MALRD1: variants seen among roughly 807,000 people sequenced by gnomAD.
MALRD1 encodes MAM and LDL-receptor class A domain-containing protein 1.
Under a neutral mutation model 242.1 loss-of-function variants are expected in MALRD1, and 247 were observed. That is an observed-to-expected ratio of 1.02 (90% CI 0.92 to 1.13). The LOEUF (loss-of-function observed/expected upper bound fraction) is 1.13, where lower values mean the gene tolerates loss of function less well. Among genes scored for constraint, MALRD1 ranks in the 50% most tolerant of loss-of-function variants. The probability of loss-of-function intolerance (pLI) is 0.00; values close to 1 mark genes in which losing one functional copy is unlikely to be tolerated. For synonymous variants in MALRD1, 995 were observed against 866.6 expected (o/e 1.15, Z -2.60); for missense variants, 2,989 against 2,533.1 (o/e 1.18, Z -3.86).
chr10:19,440,003 T>G (rs1214473343), intron 28 of MALRD1, among the ~76,000 whole-genome samples: 2 of 152,200 alleles, frequency 1.3e-5, no homozygotes, highest in Non-Finnish European at 2.9e-5. Context: ...CCATTGCTTC[T>G]CCCTGCTGCA....
chr10:19,552,728 T>C (rs181183688), intron 32 of MALRD1, among the ~76,000 whole-genome samples: 1 of 152,284 alleles, frequency 6.6e-6, no homozygotes, highest in Admixed American at 6.5e-5. Context: ...AAAAAAATTA[T>C]TTTGTTTTTC....
chr10:19,257,812 G>A, intron 19 of MALRD1, 41 bp downstream of exon 19: 1 of 1,295,020 alleles, frequency 7.7e-7, no homozygotes, highest in Non-Finnish European at 1.0e-6. Context: ...TTCTAAATCT[G>A]TTTACTTGGA....
In MALRD1 at chr10:19,203,583, C is replaced by A. The variant is rs1301358246; in HGVS notation, c.1952-145C>A. ...TCCATTTTTGCAAATGAGAAAGGAT[C>A]TTTTTTATTTTCTGAAATGTGTCCC... is the stretch of plus-strand genomic sequence containing the variant. On this transcript the variant is annotated intron_variant, in intron 14 of 39. Transcript: ENST00000454679. 15 of 768,428 alleles carry A rather than the reference C, an allele frequency of 2.0e-5. No individual in the cohort carries two copies. The East Asian group carries it at 4.3e-4, about 22-fold the overall frequency. The allele number at this position is 768,428 out of a possible 1,614,324, so 47.6% of individuals were successfully genotyped here.
chr10:19,510,753 C>T (rs1159839918), intron 31 of MALRD1, among the ~76,000 whole-genome samples: 2 of 152,212 alleles, frequency 1.3e-5, no homozygotes, highest in African/African-American at 2.4e-5. Context: ...ATCTCTCTTT[C>T]TTTTCCCCAT....
chr10:19,122,655 G>A (rs1340184311), intron 5 of MALRD1, among the ~76,000 whole-genome samples: 1 of 152,074 alleles, frequency 6.6e-6, no homozygotes, highest in Non-Finnish European at 1.5e-5. Flanking sequence ...CAAGTGGTAT[G>A]GGCAGAAAGG....
intron 36 of MALRD1, among the ~76,000 whole-genome samples, chr10:19,636,761 C>T (rs575968486): frequency 3.4e-4 from 51 of 151,596 alleles, no homozygotes; most frequent in South Asian, 4.2e-4. Context: ...TAGCCAGGCG[C>T]GGTGGCATGT....
chr10:19,537,434 G>A (rs1017227649), intron 32 of MALRD1, among the ~76,000 whole-genome samples: 2 of 152,026 alleles, frequency 1.3e-5, no homozygotes, highest in African/African-American at 4.8e-5. Context: ...GGCAAGTTTG[G>A]TGTCTTACCA....
rs1026081034 is a variant in MALRD1 at position 19,284,381 on chromosome 10, C to T, written c.3419+1200C>T. On this transcript the variant is annotated intron_variant, in intron 21 of 39. Transcript: ENST00000454679. ...TCGTCATCTAGCATTAGGTATATCTCCCAATGCTATCCCTCCCCCCTCCCC... is the reference window on the plus strand; with the variant it reads ...TCGTCATCTAGCATTAGGTATATCTTCCAATGCTATCCCTCCCCCCTCCCC... 2.1e-3 allele frequency among the ~76,000 whole-genome samples: 308 copies of T among 147,886 alleles called. 4 individuals are homozygous for T. Among genetic ancestry groups the T allele is most frequent in the Non-Finnish European group, 2.8e-4 (19 of 66,830 alleles).
chr10:19,296,813 T>C (rs1458110330), intron 21 of MALRD1, among the ~76,000 whole-genome samples: 1 of 151,970 alleles, frequency 6.6e-6, no homozygotes, highest in African/African-American at 2.4e-5. Flanking sequence ...CTTGTTCTCT[T>C]TGAAAAGACA....
At chr10:19,088,283 G>C in intron 4 of MALRD1, 98 bp downstream of exon 4, 1 of 1,094,924 alleles carries the variant, frequency 9.1e-7, no homozygotes, top group Non-Finnish European at 1.2e-6. Context: ...GTCCCAGTTT[G>C]CCAGGGACTG....
chr10:19,187,751 A>G (rs1835801559), intron 14 of MALRD1, among the ~76,000 whole-genome samples: 1 of 152,138 alleles, frequency 6.6e-6, no homozygotes, highest in Non-Finnish European at 1.5e-5. Flanking sequence ...GTAAGTGGGA[A>G]CTAAAACATT....
intron 13 of MALRD1, 57 bp from the exon 14 acceptor site, chr10:19,175,151 T>A: frequency 8.6e-7 from 1 of 1,160,694 alleles, no homozygotes. Context: ...GAAATATGAT[T>A]GTAAGACATT....
At chr10:19,070,353 A>T (rs1374753958) in intron 2 of MALRD1, among the ~76,000 whole-genome samples, 1 of 152,166 alleles carries the variant, frequency 6.6e-6, no homozygotes, top group Non-Finnish European at 1.5e-5. Flanking sequence ...TTTCATAGTA[A>T]GTATTGAATA....
At chr10:19,504,419 TAG>T (rs1340186791) in intron 31 of MALRD1, among the ~76,000 whole-genome samples, 1 of 151,396 alleles carries the variant, frequency 6.6e-6, no homozygotes, top group Non-Finnish European at 1.5e-5. Flanking sequence ...TCTGATAGAG[TAG>T]AGAGAGACTC....
At chr10:19,309,756 A>G (rs1358671401) in intron 21 of MALRD1, among the ~76,000 whole-genome samples, 1 of 151,560 alleles carries the variant, frequency 6.6e-6, no homozygotes, top group African/African-American at 2.4e-5. Context: ...GTAACCTGTG[A>G]CAGAATGGTA....
intron 12 of MALRD1, among the ~76,000 whole-genome samples, chr10:19,163,136 C>CA (rs1564433382): frequency 1.4e-4 from 5 of 36,918 alleles, no homozygotes; most frequent in Non-Finnish European, 2.3e-4. Context: ...GAAACCCTGT[C>CA]TAAAAAAAAA....
chr10:19,424,890 G>A (rs940478353), intron 28 of MALRD1, among the ~76,000 whole-genome samples: 2 of 151,836 alleles, frequency 1.3e-5, no homozygotes, highest in African/African-American at 2.4e-5. Flanking sequence ...TGACAAAAGG[G>A]TGGCTCTTTA....
chr10:19,225,009 A>C (rs1479968828), intron 18 of MALRD1, among the ~76,000 whole-genome samples: 1 of 151,950 alleles, frequency 6.6e-6, no homozygotes, highest in African/African-American at 2.4e-5. Context: ...TGAGTTAATT[A>C]TTTTATAAGG....
At chr10:19,154,196 A>T (rs1834044642) in intron 11 of MALRD1, among the ~76,000 whole-genome samples, 1 of 152,020 alleles carries the variant, frequency 6.6e-6, no homozygotes, top group Non-Finnish European at 1.5e-5. Flanking sequence ...TATTTTTCCC[A>T]CTCAAAGATG....
Sources: allele counts gnomAD v4.1 joint callset (sites outside exome capture counted in the v4.1 genomes callset), GRCh38; gene constraint gnomAD v4.1.1; transcripts MANE v1.5; gene names NCBI Gene and HGNC (gene_info 2026-07-23, HGNC 2026-07-21).